The following PTPN22 variants were observed in gnomAD, a reference collection of about 807,000 sequenced individuals.
PTPN22 encodes the protein tyrosine-protein phosphatase non-receptor type 22.
PTPN22 carries 85 observed loss-of-function variants against 103.3 expected under a neutral mutation model. The observed-to-expected ratio is 0.82, with a 90% confidence interval of 0.69 to 0.99. The LOEUF is 0.99. Among genes scored for constraint, PTPN22 ranks in the 50% least tolerant of loss-of-function variants. The probability of loss-of-function intolerance (pLI) is 0.00; values close to 1 mark genes in which losing one functional copy is unlikely to be tolerated. For synonymous variants in PTPN22, 323 were observed against 310.2 expected (o/e 1.04, Z -0.43); for missense variants, 865 against 936.9 (o/e 0.92, Z 1.00).
intron 18 of PTPN22, among the ~76,000 whole-genome samples, chr1:113,827,511 G>A (rs565477876): frequency 6.6e-6 from 1 of 151,840 alleles, no homozygotes; most frequent in South Asian, 2.1e-4. Context: ...TTTTTTAGCT[G>A]CACAGTATTC....
chr1:113,822,048 A>G (rs1188066423), intron 19 of PTPN22, among the ~76,000 whole-genome samples: 1 of 152,240 alleles, frequency 6.6e-6, no homozygotes, highest in Non-Finnish European at 1.5e-5. Context: ...CTGAACTCAC[A>G]TGATAAAAAC....
At chr1:113,843,780 T>C (rs1663811964) in intron 11 of PTPN22, among the ~76,000 whole-genome samples, 2 of 152,350 alleles carry the variant, frequency 1.3e-5, no homozygotes, top group South Asian at 4.1e-4. Context: ...AATTCTTCCT[T>C]AACCATTTGA....
intron 9 of PTPN22, among the ~76,000 whole-genome samples, chr1:113,853,786 A>G (rs1176300830): frequency 6.7e-6 from 1 of 149,856 alleles, no homozygotes; most frequent in Admixed American, 6.6e-5. Context: ...GGTTCAAGCA[A>G]TTCTCCTGCC....
chr1:113,848,736 C>A, intron 10 of PTPN22, 110 bp from the exon 11 acceptor site: 1 of 939,154 alleles, frequency 1.1e-6, no homozygotes, highest in Admixed American at 2.3e-5. Context: ...ATATAGCAGA[C>A]CCAAAAGGAC....
chr1:113,834,795 A>G (rs1662838245), intron 14 of PTPN22, 115 bp downstream of exon 14: 1 of 878,204 alleles, frequency 1.1e-6, no homozygotes, highest in South Asian at 1.6e-5. Flanking sequence ...TCCTGGCCTC[A>G]ATGAACTCCT....
intron 11 of PTPN22, among the ~76,000 whole-genome samples, chr1:113,843,286 A>ATGTGTGTGTG (rs35997994): frequency 3.3e-5 from 5 of 149,878 alleles, no homozygotes; most frequent in South Asian, 2.1e-4. Flanking sequence ...GATAAACAAA[A>ATGTGTGTGTG]TGTGTGTGTG....
exon 13 of PTPN22, chr1:113,838,361 C>T (rs1663212384): frequency 1.9e-6 from 3 of 1,595,452 alleles, no homozygotes; most frequent in East Asian, 2.2e-5. Flanking sequence ...TCTTTGATTT[C>T]CATTTTTGTC....
chr1:113,859,568 T>G, intron 1 of PTPN22, 108 bp from the exon 2 acceptor site: 2 of 852,700 alleles, frequency 2.3e-6, no homozygotes. Context: ...CTCAACCCTT[T>G]TATTATCTTC....
intron 5 of PTPN22, 109 bp downstream of exon 5, chr1:113,857,629 T>C (rs1665192969): frequency 2.0e-6 from 2 of 980,626 alleles, no homozygotes; most frequent in Non-Finnish European, 1.5e-6. Context: ...ACTATGAAGA[T>C]GACATAAGTT....
intron 1 of PTPN22, among the ~76,000 whole-genome samples, chr1:113,862,279 C>T (rs1775754): frequency 0.77 from 116,540 of 151,746 alleles, 45,649 homozygotes; most frequent in African/African-American, 0.9. Context: ...TGAGACTCCG[C>T]CTCAAAAAAA....
intron 19 of PTPN22, among the ~76,000 whole-genome samples, chr1:113,822,615 T>G (rs1355599224): frequency 6.6e-6 from 1 of 152,144 alleles, no homozygotes; most frequent in African/African-American, 2.4e-5. Context: ...TCTGGACCCT[T>G]TGGCTGGCTG....
intron 1 of PTPN22, among the ~76,000 whole-genome samples, chr1:113,869,632 T>C (rs1307473799): frequency 6.6e-6 from 1 of 152,122 alleles, no homozygotes; most frequent in Non-Finnish European, 1.5e-5. Context: ...TGACCTCAGG[T>C]GATCCACCCG....
At chr1:113,839,762 T>C (rs1482832943) in intron 11 of PTPN22, among the ~76,000 whole-genome samples, 1 of 152,136 alleles carries the variant, frequency 6.6e-6, no homozygotes, top group Admixed American at 6.6e-5. Flanking sequence ...ACTAACATCA[T>C]ATTCATACAT....
chr1:113,859,477 A>G lies in PTPN22; in HGVS notation c.88-17T>C, dbSNP rs755299868. ...TTTCAGCTTCTGTAATAAGATTCCAAGAAAAATTAATCTTCCTAGAGAAAT... is the reference window on the plus strand; with the variant it reads ...TTTCAGCTTCTGTAATAAGATTCCAGGAAAAATTAATCTTCCTAGAGAAAT... On this transcript the variant is annotated splice_polypyrimidine_tract_variant and intron_variant, in intron 1 of 20. Coordinates refer to ENST00000359785, the Ensembl canonical transcript of PTPN22. 3 of 1,576,902 alleles carry G rather than the reference A, an allele frequency of 1.9e-6. No homozygotes were observed. Among genetic ancestry groups the G allele is most frequent in the South Asian group, 2.2e-5 (2 of 90,254 alleles).
chr1:113,856,515 T>C (rs1407994416), intron 6 of PTPN22, 33 bp downstream of exon 6: 1 of 1,613,450 alleles, frequency 6.2e-7, no homozygotes, highest in Non-Finnish European at 8.5e-7. Context: ...CCTGGAGGCT[T>C]TACTCAGACA....
chr1:113,859,607 G>A (rs1245245822), intron 1 of PTPN22, 147 bp from the exon 2 acceptor site: 11 of 650,408 alleles, frequency 1.7e-5, no homozygotes, highest in Non-Finnish European at 2.6e-5. Context: ...GGACAGAGCT[G>A]CAGAGCATAA....
intron 20 of PTPN22, among the ~76,000 whole-genome samples, chr1:113,816,401 A>G (rs1661150884): frequency 6.7e-6 from 1 of 149,920 alleles, no homozygotes; most frequent in African/African-American, 2.5e-5. Context: ...ATTTGAGCCC[A>G]GGGAGGTCAA....
intron 18 of PTPN22, 59 bp downstream of exon 18, chr1:113,829,533 G>A (rs1662367902): frequency 1.1e-6 from 1 of 893,192 alleles, no homozygotes; most frequent in Non-Finnish European, 1.7e-6. Context: ...CTGGGGAGGG[G>A]GAAACTTTCA....
chr1:113,823,998 C>T (rs1328625097), intron 19 of PTPN22, among the ~76,000 whole-genome samples: 1 of 152,168 alleles, frequency 6.6e-6, no homozygotes, highest in Non-Finnish European at 1.5e-5. Context: ...ATCAGATTTT[C>T]TCAGTGCTTT....
Sources: gnomAD v4.1 joint callset for allele counts (sites outside exome capture counted in the v4.1 genomes callset) on GRCh38, gnomAD v4.1.1 for gene constraint, MANE v1.5 for transcripts, NCBI Gene and HGNC (gene_info 2026-07-23, HGNC 2026-07-21) for gene names.